USH2A: variants seen among roughly 807,000 people sequenced by gnomAD.
USH2A encodes Usher syndrome 2A (autosomal recessive, mild).
In USH2A, 443 loss-of-function variants were observed where a neutral mutation model predicts 538.9. The ratio of observed to expected loss-of-function variants is 0.82; its 90% confidence interval spans 0.76 to 0.89. The LOEUF (loss-of-function observed/expected upper bound fraction) is 0.89, where lower values mean the gene tolerates loss of function less well. Ranked by LOEUF, USH2A falls within the 40% of genes least tolerant of loss-of-function variation. The pLI, the probability that USH2A is intolerant of heterozygous loss-of-function variation, is 0.00. For synonymous variants in USH2A, 2,413 were observed against 2,273.5 expected, an observed-to-expected ratio of 1.06 and a Z score of -1.75; for missense variants, 6,633 against 6,324.8, an observed-to-expected ratio of 1.05 and a Z score of -1.65.
At chr1:216,034,946 C>T (rs1466128308) in intron 32 of USH2A, among the ~76,000 whole-genome samples, 1 of 152,088 alleles carries the variant, frequency 6.6e-6, no homozygotes, top group Non-Finnish European at 1.5e-5. Context: ...AGAAAGCAAG[C>T]CAGGGAAGTA....
intron 6 of USH2A, 95 bp downstream of exon 6, chr1:216,325,210 G>C (rs2037705063): frequency 7.5e-7 from 1 of 1,329,874 alleles, no homozygotes; most frequent in Non-Finnish European, 1.1e-6. Context: ...AGAACTGTTA[G>C]GGAATATATT....
chr1:216,145,789 G>C (rs567603093), intron 21 of USH2A, among the ~76,000 whole-genome samples: 1 of 152,080 alleles, frequency 6.6e-6, no homozygotes, highest in South Asian at 2.1e-4. Flanking sequence ...ACATTACCTC[G>C]TGAAAGTCCT....
At chr1:215,996,032 T>C (rs953633298) in intron 34 of USH2A, among the ~76,000 whole-genome samples, 5 of 152,124 alleles carry the variant, frequency 3.3e-5, no homozygotes, top group African/African-American at 7.2e-5. Flanking sequence ...TACCTCAGCC[T>C]CCCGAGTAGC....
intron 21 of USH2A, among the ~76,000 whole-genome samples, chr1:216,121,105 G>A (rs1284460113): frequency 6.6e-6 from 1 of 152,074 alleles, no homozygotes; most frequent in Non-Finnish European, 1.5e-5. Flanking sequence ...GAATAAGTAG[G>A]AACAAATCCT....
intron 44 of USH2A, among the ~76,000 whole-genome samples, chr1:215,865,466 C>T (rs1402947119): frequency 2.0e-5 from 3 of 152,086 alleles, no homozygotes; most frequent in Admixed American, 2.0e-4. Context: ...ATTCACCAGC[C>T]GGATCTTAAC....
rs531034239 is a variant in USH2A at position 216,175,921 on chromosome 1, C to G, written c.4397-439G>C. Among the ~76,000 whole-genome samples, 18 of 152,196 alleles carry G rather than the reference C, an allele frequency of 1.2e-4. No individual in the cohort carries two copies. In the East Asian group the frequency reaches 3.3e-3, roughly 28 times the overall value. Reference sequence around the variant, plus strand: ...AGAACTTCCCTTGGCTGAGTAAGAGCTGCCTCACCCAGGAGCCACAGGATC... The same window carrying G: ...AGAACTTCCCTTGGCTGAGTAAGAGGTGCCTCACCCAGGAGCCACAGGATC... On this transcript the variant is annotated intron_variant, in intron 20 of 71. Coordinates refer to ENST00000307340, the MANE Select transcript of USH2A (RefSeq NM_206933.4).
intron 41 of USH2A, among the ~76,000 whole-genome samples, chr1:215,884,100 G>C (rs1469829329): frequency 1.3e-5 from 2 of 152,088 alleles, no homozygotes; most frequent in Non-Finnish European, 2.9e-5. Context: ...GAGAGCATTA[G>C]GACAAATAAC....
chr1:216,315,904 T>A (rs2037498847), intron 9 of USH2A, among the ~76,000 whole-genome samples: 1 of 152,150 alleles, frequency 6.6e-6, no homozygotes. Flanking sequence ...TGTATGAAAG[T>A]TAATGAATAG....
intron 37 of USH2A, among the ~76,000 whole-genome samples, chr1:215,952,894 A>T (rs1666958832): frequency 6.6e-6 from 1 of 152,144 alleles, no homozygotes; most frequent in African/African-American, 2.4e-5. Flanking sequence ...CTTTGCAAAA[A>T]TCACAAGCAT....
At chr1:215,704,040 C>T (rs934218992) in intron 61 of USH2A, among the ~76,000 whole-genome samples, 1 of 152,306 alleles carries the variant, frequency 6.6e-6, no homozygotes, top group East Asian at 1.9e-4. Context: ...ATGGCACAGT[C>T]CCTCAAGGCT....
At chr1:215,697,610 C>A (rs1488444468) in intron 61 of USH2A, among the ~76,000 whole-genome samples, 3 of 152,154 alleles carry the variant, frequency 2.0e-5, no homozygotes, top group African/African-American at 7.2e-5. Context: ...CAATCTCCGC[C>A]TCCCGGGTTC....
At chr1:215,670,302 A>G (rs1657772088) in intron 64 of USH2A, among the ~76,000 whole-genome samples, 1 of 152,146 alleles carries the variant, frequency 6.6e-6, no homozygotes, top group African/African-American at 2.4e-5. Flanking sequence ...ACCACGCCTG[A>G]GCAAAGGGTG....
At chr1:216,333,890 T>C (rs2037919274) in intron 4 of USH2A, among the ~76,000 whole-genome samples, 1 of 152,058 alleles carries the variant, frequency 6.6e-6, no homozygotes, top group Non-Finnish European at 1.5e-5. Context: ...CAGGATAAAT[T>C]GACATTTCCA....
intron 11 of USH2A, among the ~76,000 whole-genome samples, chr1:216,253,721 C>T (rs2036207387): frequency 6.6e-6 from 1 of 152,162 alleles, no homozygotes; most frequent in South Asian, 2.1e-4. Context: ...CAGCTAATGC[C>T]TCAATTTCAA....
chr1:216,419,424 T>C (rs1404492218), intron 2 of USH2A, among the ~76,000 whole-genome samples: 1 of 152,102 alleles, frequency 6.6e-6, no homozygotes, highest in Non-Finnish European at 1.5e-5. Flanking sequence ...TATTTTAAGT[T>C]ATCTCTACCC....
At position 215,998,870 on chromosome 1, in the gene USH2A, G is replaced by A. The variant is rs1354089675; in HGVS notation, c.6657+17C>T. 8 of 1,610,604 alleles carry A rather than the reference G, an allele frequency of 5.0e-6. No individual in the cohort carries two copies. The highest frequency in any genetic ancestry group is 1.3e-5 in the African/African-American group (1 of 74,706). On this transcript the variant is annotated intron_variant, in intron 34 of 71. Coordinates refer to ENST00000307340, the MANE Select transcript of USH2A (RefSeq NM_206933.4). ...TGGAAGGAATGGGGACAGAGAAAGT[G>A]ATGGAAATAAACTTACTCCCAGCTT...
At chr1:216,177,514 C>T (rs2034413182) in intron 20 of USH2A, among the ~76,000 whole-genome samples, 1 of 152,074 alleles carries the variant, frequency 6.6e-6, no homozygotes, top group Non-Finnish European at 1.5e-5. Context: ...CACAACGGTC[C>T]AGGCAACTAA....
At position 215,712,820 on chromosome 1, in the gene USH2A, A is replaced by ATT. The variant is rs5780847; in HGVS notation, c.12066+15208_12066+15209dup. Among the ~76,000 whole-genome samples, 89 of 150,330 alleles carry ATT rather than the reference A, an allele frequency of 5.9e-4. No individual in the cohort carries two copies. In the South Asian group the frequency reaches 9.1e-3, roughly 15 times the overall value. On this transcript the variant is annotated intron_variant, in intron 61 of 71. Coordinates refer to ENST00000307340, the MANE Select transcript of USH2A (RefSeq NM_206933.4). ...TTTCTTTTCTTTTGTTCTTTCTTTTATTTTTTTTTGGAGTCTTGCTCTGTC... is the reference window on the plus strand; with the variant it reads ...TTTCTTTTCTTTTGTTCTTTCTTTTATTTTTTTTTTTGGAGTCTTGCTCTGTC...
intron 67 of USH2A, among the ~76,000 whole-genome samples, chr1:215,641,859 T>C (rs1258442881): frequency 6.6e-6 from 1 of 152,212 alleles, no homozygotes; most frequent in Non-Finnish European, 1.5e-5. Flanking sequence ...GATATTTTCA[T>C]AAAGCCATAA....
Sources: gnomAD v4.1 joint callset for allele counts (sites outside exome capture counted in the v4.1 genomes callset) on GRCh38, gnomAD v4.1.1 for gene constraint, MANE v1.5 for transcripts, NCBI Gene and HGNC (gene_info 2026-07-23, HGNC 2026-07-21) for gene names.